Variants in DGKB observed in about 807,000 individuals in gnomAD.
The protein encoded by DGKB is 90 kDa diacylglycerol kinase.
DGKB carries 67 observed loss-of-function variants against 114.3 expected under a neutral mutation model. The ratio of observed to expected loss-of-function variants is 0.59; its 90% confidence interval spans 0.48 to 0.72. The LOEUF (loss-of-function observed/expected upper bound fraction) is 0.72. Among genes scored for constraint, DGKB ranks in the 30% least tolerant of loss-of-function variants. The pLI is 0.00. For synonymous variants in DGKB, 398 were observed against 323.1 expected, an observed-to-expected ratio of 1.23 and a Z score of -2.49; for missense variants, 907 against 975.2, an observed-to-expected ratio of 0.93 and a Z score of 0.93.
At chr7:14,553,542 T>C (rs1795414177) in intron 20 of DGKB, among the ~76,000 whole-genome samples, 1 of 152,162 alleles carries the variant, frequency 6.6e-6, no homozygotes, top group South Asian at 2.1e-4. Context: ...TAAAATGTGA[T>C]CTAAGCAAAT....
At chr7:14,204,270 G>T (rs2128293718) in intron 23 of DGKB, among the ~76,000 whole-genome samples, 1 of 152,048 alleles carries the variant, frequency 6.6e-6, no homozygotes, top group East Asian at 1.9e-4. Flanking sequence ...TATCCTAGAT[G>T]AAATCTGAAT....
chr7:14,360,884 G>T (rs549609975), intron 21 of DGKB, among the ~76,000 whole-genome samples: 1 of 152,080 alleles, frequency 6.6e-6, no homozygotes, highest in Admixed American at 6.6e-5. Flanking sequence ...ATCTTCAGTG[G>T]TATAGAAGAA....
intron 14 of DGKB, 121 bp downstream of exon 14, chr7:14,630,115 A>G (rs1585204612): frequency 7.2e-6 from 4 of 555,530 alleles, no homozygotes; most frequent in Non-Finnish European, 1.2e-5. Context: ...TATGAAAAAA[A>G]TAAAATATAA....
chr7:14,744,646 G>T lies in DGKB; in HGVS notation c.169-8452C>A, dbSNP rs573999051. Among the ~76,000 whole-genome samples the T allele has an allele frequency of 2.6e-5, 4 of 152,308 alleles. No homozygotes were observed. The East Asian group carries it at 7.7e-4, about 29-fold the overall frequency. ...ATCAAAAGCAATTTTAAAAGTGTAT[G>T]TAAGAATAATTATTCTTGCTGCACT... On this transcript the variant is annotated intron_variant, in intron 4 of 25. Coordinates refer to ENST00000402815, the MANE Select transcript of DGKB (RefSeq NM_001350709.2).
intron 13 of DGKB, among the ~76,000 whole-genome samples, chr7:14,667,462 G>C (rs1356086236): frequency 6.6e-6 from 1 of 151,958 alleles, no homozygotes; most frequent in African/African-American, 2.4e-5. Flanking sequence ...ATGTGATAGA[G>C]ATAATATCAA....
rs1781663270 is a variant in DGKB, at chr7:14,148,004, T to G, written c.*1127A>C. On this transcript the variant is annotated 3_prime_UTR_variant, in exon 26 of 26. Coordinates refer to ENST00000402815, the MANE Select transcript of DGKB (RefSeq NM_001350709.2). ...TCCAAGAGCTCAGTATTATTACAGG[T>G]ACCCATTTATACTAGAAATAAACTG... 1.3e-5 allele frequency: 2 copies of G among 152,134 alleles called. No individual in the cohort carries two copies. Among genetic ancestry groups the G allele is most frequent in the African/African-American group, 4.8e-5 (2 of 41,450 alleles). 9.4% of individuals were successfully genotyped at this position (152,134 alleles called of 1,614,324 possible).
chr7:14,504,800 G>A (rs1226735738), intron 20 of DGKB, among the ~76,000 whole-genome samples: 1 of 151,600 alleles, frequency 6.6e-6, no homozygotes, highest in Non-Finnish European at 1.5e-5. Context: ...GTATTTTACT[G>A]GATAATTTCT....
At position 14,149,150 on chromosome 7, in the gene DGKB, C is replaced by A. The variant is rs1781800387; in HGVS notation, c.2393G>T (p.Arg798Ile). The A allele has an allele frequency of 6.2e-7, 1 of 1,613,414 alleles. No individual in the cohort carries two copies. The highest frequency in any genetic ancestry group is 8.5e-7 in the Non-Finnish European group (1 of 1,179,482). ...GLFCSLVKRTRNRSKE is the reference protein window; with the variant it reads ...GLFCSLVKRTINRSKE ...ACAGGATTATTCCTTGCTTCGGTTT[C>A]TTGTCCTTTTGACGAGGGAGCAGAA... The change falls in exon 26 of 26, where the codon AGA becomes ATA. Residue 798 changes from arginine to isoleucine, a missense_variant. By Grantham distance (97) the Arg-to-Ile change is moderately conservative. Transcript: ENST00000402815.
intron 23 of DGKB, among the ~76,000 whole-genome samples, chr7:14,255,395 A>G (rs1158807584): frequency 6.6e-6 from 1 of 152,168 alleles, no homozygotes; most frequent in Non-Finnish European, 1.5e-5. Context: ...AAAGATCAAG[A>G]CATAGAATTC....
At chr7:14,180,649 G>C (rs1363646882) in intron 23 of DGKB, among the ~76,000 whole-genome samples, 1 of 152,110 alleles carries the variant, frequency 6.6e-6, no homozygotes, top group African/African-American at 2.4e-5. Flanking sequence ...AATTTGTGTT[G>C]CACGAATTTG....
intron 6 of DGKB, among the ~76,000 whole-genome samples, chr7:14,718,004 A>C (rs1007932716): frequency 6.6e-6 from 1 of 152,240 alleles, no homozygotes; most frequent in Non-Finnish European, 1.5e-5. Flanking sequence ...TTTAAGAAAC[A>C]AAGCTATTGT....
intron 21 of DGKB, among the ~76,000 whole-genome samples, chr7:14,447,635 C>T (rs1487375956): frequency 6.6e-6 from 1 of 152,042 alleles, no homozygotes; most frequent in Non-Finnish European, 1.5e-5. Context: ...TTTTCTCCAT[C>T]ATTGCATCCT....
At chr7:14,656,392 T>TG (rs1815790989) in intron 13 of DGKB, among the ~76,000 whole-genome samples, 2 of 150,276 alleles carry the variant, frequency 1.3e-5, no homozygotes, top group African/African-American at 4.9e-5. Flanking sequence ...ATTTAAATTT[T>TG]GGTTTTTTTT....
At chr7:14,288,569 T>C (rs933450588) in intron 23 of DGKB, among the ~76,000 whole-genome samples, 16 of 152,136 alleles carry the variant, frequency 1.1e-4, no homozygotes, top group African/African-American at 3.6e-4. Flanking sequence ...CATTACTCTC[T>C]CCTTTTCCTC....
rs554004040 is a variant in DGKB, at chr7:14,716,692, T to C, written c.466+1850A>G. ...CATATGTGGTAAATTGTTAAGAAAGTGGATGAGGAAGATTGATTGTTATTT... is the reference window on the plus strand; with the variant it reads ...CATATGTGGTAAATTGTTAAGAAAGCGGATGAGGAAGATTGATTGTTATTT... On this transcript the variant is annotated intron_variant, in intron 6 of 25. Coordinates refer to ENST00000402815, the MANE Select transcript of DGKB (RefSeq NM_001350709.2). 1.5e-3 allele frequency among the ~76,000 whole-genome samples: 223 copies of C among 151,964 alleles called. 1 individual carries two copies. The highest frequency in any genetic ancestry group is 0.01 in the Middle Eastern group (3 of 294).
chr7:14,608,548 C>A (rs1804943151), intron 16 of DGKB, among the ~76,000 whole-genome samples: 1 of 151,916 alleles, frequency 6.6e-6, no homozygotes, highest in Non-Finnish European at 1.5e-5. Flanking sequence ...CCACTCTCAC[C>A]ACTCCTATTC....
chr7:14,736,661 T>G (rs1831771521), intron 4 of DGKB, among the ~76,000 whole-genome samples: 1 of 152,196 alleles, frequency 6.6e-6, no homozygotes, highest in African/African-American at 2.4e-5. Flanking sequence ...GATTATCGCT[T>G]TTGACAATGT....
intron 13 of DGKB, among the ~76,000 whole-genome samples, chr7:14,633,623 T>C (rs186157153): frequency 2.0e-5 from 3 of 151,964 alleles, no homozygotes; most frequent in Admixed American, 2.0e-4. Flanking sequence ...TTTTTAAATA[T>C]CAAAGATGAG....
chr7:14,655,779 A>T (rs549536675), intron 13 of DGKB, among the ~76,000 whole-genome samples: 8 of 151,616 alleles, frequency 5.3e-5, no homozygotes, highest in Non-Finnish European at 1.2e-4. Context: ...TTAGTCAAGC[A>T]CAGAAAGATC....
Sources: allele counts gnomAD v4.1 joint callset (sites outside exome capture counted in the v4.1 genomes callset), GRCh38; gene constraint gnomAD v4.1.1; transcripts MANE v1.5; gene names NCBI Gene and HGNC (gene_info 2026-07-23, HGNC 2026-07-21).